Variants in RPL22 observed in about 807,000 individuals in gnomAD.
RPL22 encodes large ribosomal subunit protein eL22.
A neutral mutation model predicts 16.2 loss-of-function variants in RPL22; 4 were observed. The ratio of observed to expected loss-of-function variants is 0.25; its 90% confidence interval spans 0.12 to 0.57. RPL22 has a LOEUF of 0.57. RPL22 is among the 20% of genes least tolerant of loss of function. RPL22 has a pLI of 0.92. For missense variants in RPL22, 83 were observed against 156.1 expected (o/e 0.53, Z 2.49); for synonymous variants, 43 against 54.8 (o/e 0.78, Z 0.95).
intron 3 of RPL22, 103 bp downstream of exon 3, chr1:6,192,827 A>C (rs1667669475): frequency 2.9e-6 from 4 of 1,381,494 alleles, no homozygotes; most frequent in Admixed American, 1.9e-5. Context: ...AGAAATTAAC[A>C]GATGCAAACC....
chr1:6,189,823 A>G (rs1159434100), intron 3 of RPL22, among the ~76,000 whole-genome samples: 1 of 152,198 alleles, frequency 6.6e-6, no homozygotes, highest in African/African-American at 2.4e-5. Flanking sequence ...CAGGAGGCTG[A>G]GGCAGGAGAA....
intron 3 of RPL22, among the ~76,000 whole-genome samples, chr1:6,187,681 T>C (rs1230899912): frequency 6.7e-6 from 1 of 150,020 alleles, no homozygotes; most frequent in African/African-American, 2.5e-5. Context: ...CAGTTGTCCA[T>C]GAAAATGCAG....
At chr1:6,189,029 A>T (rs977203947) in intron 3 of RPL22, among the ~76,000 whole-genome samples, 1 of 151,986 alleles carries the variant, frequency 6.6e-6, no homozygotes, top group Non-Finnish European at 1.5e-5. Context: ...CAGGTCATCC[A>T]CCCGTCTGGG....
intron 3 of RPL22, among the ~76,000 whole-genome samples, chr1:6,189,964 G>T (rs1199656247): frequency 6.6e-6 from 1 of 152,096 alleles, no homozygotes; most frequent in East Asian, 1.9e-4. Flanking sequence ...TTCAGAGACA[G>T]AAAAAGTTCT....
Position 6,185,783 on chromosome 1 carries a change from A to C in RPL22, c.*889T>G. The stretch of plus-strand genomic sequence containing the variant: ...GCACTGTGGCACACCACTGACATTA[A>C]ATCCAGTCATGGCCTAAGTGGCATG... On this transcript the variant is annotated 3_prime_UTR_variant, in exon 4 of 4. Coordinates refer to ENST00000234875, the MANE Select transcript of RPL22 (RefSeq NM_000983.4). 1 of 234,978 alleles carries C rather than the reference A, an allele frequency of 4.3e-6. No individual in the cohort carries two copies. Among genetic ancestry groups the C allele is most frequent in the Non-Finnish European group, 8.4e-6 (1 of 119,486 alleles). 14.6% of individuals were successfully genotyped at this position (234,978 alleles called of 1,614,324 possible).
chr1:6,198,778 A>AC (rs1667753717), intron 1 of RPL22: 1 of 152,216 alleles, frequency 6.6e-6, no homozygotes, highest in Non-Finnish European at 1.5e-5. Flanking sequence ...CAAGAGACCT[A>AC]CCCACAACGG....
At chr1:6,195,281 T>TA (rs1667701144) in intron 2 of RPL22, among the ~76,000 whole-genome samples, 3 of 150,606 alleles carry the variant, frequency 2.0e-5, no homozygotes, top group Admixed American at 2.0e-4. Context: ...CTGTCTCTAC[T>TA]AAAAATACAA....
chr1:6,197,992 C>A, intron 1 of RPL22: 1 of 558,034 alleles, frequency 1.8e-6, no homozygotes, highest in Middle Eastern at 4.8e-4. Flanking sequence ...ATGGGGAAAT[C>A]ATTCTAGCAC....
intron 3 of RPL22, among the ~76,000 whole-genome samples, chr1:6,188,341 A>T (rs1177297327): frequency 6.6e-6 from 1 of 151,966 alleles, no homozygotes; most frequent in Non-Finnish European, 1.5e-5. Context: ...CAAAACACTC[A>T]TTCTTTATGG....
intron 3 of RPL22, among the ~76,000 whole-genome samples, chr1:6,189,677 T>C (rs1489317933): frequency 1.3e-5 from 2 of 150,058 alleles, no homozygotes; most frequent in Non-Finnish European, 1.5e-5. Flanking sequence ...CCCAGCACTT[T>C]GGGAGGCCGA....
chr1:6,189,260 T>G (rs1285007806), intron 3 of RPL22, among the ~76,000 whole-genome samples: 2 of 134,954 alleles, frequency 1.5e-5, no homozygotes, highest in African/African-American at 6.5e-5. Context: ...CCACAAAGTG[T>G]GAAGATCTCA....
chr1:6,197,840 T>C lies in RPL22; in HGVS notation c.13-84A>G. ...TTAACAGAACCAGAAACGTCATAGGTATAAAAGTCCATACAAATACAAAAC... is the reference window on the plus strand; with the variant it reads ...TTAACAGAACCAGAAACGTCATAGGCATAAAAGTCCATACAAATACAAAAC... On this transcript the variant is annotated intron_variant, in intron 1 of 3. Coordinates refer to ENST00000234875, the MANE Select transcript of RPL22 (RefSeq NM_000983.4). 8 of 987,458 alleles carry C rather than the reference T, an allele frequency of 8.1e-6. 1 individual carries two copies. Among genetic ancestry groups the C allele is most frequent in the South Asian group, 8.0e-5 (6 of 74,794 alleles). The allele number at this position is 987,458 out of a possible 1,614,324, so 61.2% of individuals were successfully genotyped here. A position where few individuals can be genotyped will look rare whatever the true frequency, so the allele number is the denominator to read the frequency against.
In RPL22 at chr1:6,189,076, G is replaced by A. The variant is rs182567551; in HGVS notation, c.243-2260C>T. On this transcript the variant is annotated intron_variant, in intron 3 of 3. Coordinates refer to ENST00000234875, the MANE Select transcript of RPL22 (RefSeq NM_000983.4). ...GCTGGGATTACAGGCGTGAGCCACC[G>A]CGCTCAGCATGGATCCCTGGCATAT... Among the ~76,000 whole-genome samples the A allele has an allele frequency of 1.5e-4, 23 of 152,160 alleles. No individual in the cohort carries two copies. The South Asian group carries it at 1.7e-3, about 11-fold the overall frequency.
intron 3 of RPL22, among the ~76,000 whole-genome samples, chr1:6,187,209 G>A (rs1200226846): frequency 6.6e-6 from 1 of 152,194 alleles, no homozygotes; most frequent in Admixed American, 6.5e-5. Context: ...TCGGGAGGCT[G>A]AGGCATGAGG....
chr1:6,195,681 G>A (rs1465839173), intron 2 of RPL22, among the ~76,000 whole-genome samples: 1 of 150,294 alleles, frequency 6.7e-6, no homozygotes, highest in Non-Finnish European at 1.5e-5. Flanking sequence ...AACCTGGAAG[G>A]TGGAGGTTGC....
At chr1:6,188,286 C>T (rs1428307018) in intron 3 of RPL22, among the ~76,000 whole-genome samples, 3 of 152,180 alleles carry the variant, frequency 2.0e-5, no homozygotes, top group Non-Finnish European at 4.4e-5. Context: ...CCCACCTCAG[C>T]CTCCCGAAGT....
intron 2 of RPL22, among the ~76,000 whole-genome samples, chr1:6,196,603 G>A (rs757897457): frequency 2.6e-5 from 4 of 152,062 alleles, no homozygotes; most frequent in East Asian, 1.9e-4. Context: ...ACACAAATAC[G>A]AAGTCTGAAT....
chr1:6,193,823 G>A (rs1667683420), intron 2 of RPL22, among the ~76,000 whole-genome samples: 1 of 152,146 alleles, frequency 6.6e-6, no homozygotes, highest in Admixed American at 6.5e-5. Context: ...CATACTATGA[G>A]ACAACATCCC....
intron 3 of RPL22, 91 bp from the exon 4 acceptor site, chr1:6,186,907 A>G: frequency 3.2e-6 from 5 of 1,566,112 alleles, no homozygotes; most frequent in Non-Finnish European, 4.3e-6. Flanking sequence ...ACTCAAAATC[A>G]TTACAATTCA....
Sources: allele counts gnomAD v4.1 joint callset (sites outside exome capture counted in the v4.1 genomes callset), GRCh38; gene constraint gnomAD v4.1.1; transcripts MANE v1.5; gene names NCBI Gene and HGNC (gene_info 2026-07-23, HGNC 2026-07-21).